Variants in SERINC1 observed in about 807,000 individuals in gnomAD.
SERINC1 encodes the protein serine incorporator 1.
SERINC1 carries 38 observed loss-of-function variants against 52.9 expected under a neutral mutation model. The observed-to-expected ratio is 0.72, with a 90% CI of 0.55 to 0.94. The LOEUF is 0.94. Among genes scored for constraint, SERINC1 ranks in the 40% least tolerant of loss-of-function variants. The probability of loss-of-function intolerance (pLI) is 0.00; values close to 1 mark genes in which losing one functional copy is unlikely to be tolerated. For synonymous variants in SERINC1, 198 were observed against 183.1 expected (o/e 1.08, Z -0.66); for missense variants, 471 against 533.9 (o/e 0.88, Z 1.16).
chr6:122,467,379 T>A (rs1412857422), intron 1 of SERINC1, among the ~76,000 whole-genome samples: 1 of 152,076 alleles, frequency 6.6e-6, no homozygotes. Context: ...CCAAGGCAGG[T>A]GGATCACTTG....
chr6:122,451,881 G>A lies in SERINC1; in HGVS notation c.759+7C>T. ...CTTCATAAAAACTAATGCTTTAAAGGGCATACTTGGATTTTTGGCAGTATA... is the reference window on the plus strand; with the variant it reads ...CTTCATAAAAACTAATGCTTTAAAGAGCATACTTGGATTTTTGGCAGTATA... On this transcript the variant is annotated splice_region_variant and intron_variant, in intron 6 of 9. Coordinates refer to ENST00000339697, the MANE Select transcript of SERINC1 (RefSeq NM_020755.4). The A allele has an allele frequency of 1.3e-6, 2 of 1,505,140 alleles. No individual in the cohort carries two copies. Among genetic ancestry groups the A allele is most frequent in the South Asian group, 1.4e-5 (1 of 73,492 alleles). 93.2% of individuals were successfully genotyped at this position (1,505,140 alleles called of 1,614,324 possible).
At chr6:122,460,567 A>AT (rs1775084198) in intron 1 of SERINC1, among the ~76,000 whole-genome samples, 1 of 152,252 alleles carries the variant, frequency 6.6e-6, no homozygotes, top group South Asian at 2.1e-4. Flanking sequence ...CTAAAGGCAA[A>AT]TAAAAAGATC....
chr6:122,468,062 T>C (rs1775216623), intron 1 of SERINC1, among the ~76,000 whole-genome samples: 1 of 152,128 alleles, frequency 6.6e-6, no homozygotes. Flanking sequence ...CATAGAGAAG[T>C]ATGTACATAC....
At chr6:122,469,533 C>T (rs774896727) in intron 1 of SERINC1, among the ~76,000 whole-genome samples, 3 of 150,792 alleles carry the variant, frequency 2.0e-5, no homozygotes, top group African/African-American at 4.9e-5. Context: ...CCACCACATC[C>T]GGCTGATTTT....
At position 122,447,138 on chromosome 6, in the gene SERINC1, C is replaced by T. The variant is rs772483603; in HGVS notation, c.978G>A (p.Leu326=). ...QGIIGLILFL[L]CVFYSSIRTS... ...TTTCCTACCTGGAATAAAATACACA[C>T]AACAAAAAGAGAATTAGTCCTATAA... is the stretch of plus-strand genomic sequence containing the variant. The change falls in exon 8 of 10, where the codon TTG becomes TTA. Residue 326 remains leucine, a synonymous_variant. Transcript: ENST00000339697. 3.7e-6 allele frequency: 6 copies of T among 1,612,916 alleles called. No individual in the cohort carries two copies. In the African/African-American group the frequency reaches 4.0e-5, roughly 11 times the overall value.
At chr6:122,464,218 TG>T (rs1480965801) in intron 1 of SERINC1, among the ~76,000 whole-genome samples, 2 of 152,168 alleles carry the variant, frequency 1.3e-5, no homozygotes, top group Non-Finnish European at 2.9e-5. Context: ...TCAAAACTCA[TG>T]GAACTGTATA....
intron 1 of SERINC1, among the ~76,000 whole-genome samples, chr6:122,467,714 GAACT>G (rs1331232601): frequency 3.9e-5 from 6 of 152,312 alleles, no homozygotes; most frequent in African/African-American, 1.2e-4. Flanking sequence ...CACAAATAAA[GAACT>G]AACATGTAAG....
chr6:122,452,080 T>A (rs771297157), intron 5 of SERINC1, 23 bp from the exon 6 acceptor site: 1 of 1,391,782 alleles, frequency 7.2e-7, no homozygotes, highest in Non-Finnish European at 9.4e-7. Context: ...TATAATTGGA[T>A]AATTAGCTTT....
chr6:122,454,168 T>C lies in SERINC1; in HGVS notation c.434A>G (p.Glu145Gly). The change falls in exon 4 of 10, where the codon GAA (glutamate) becomes GGA (glycine). Residue 145 changes from glutamate (E) to glycine (G), a missense_variant. Glu to Gly is a moderately conservative substitution (Grantham distance 98). Transcript: ENST00000339697. ...TTTCTTACCAGTTGTAAAAGTTCCT[T>C]CTGGAATGAAGAATGCCCCAATAAT... ...AIIIGAFFIP[E>G]GTFTTVWFYV... 6.3e-7 allele frequency: 1 copy of C among 1,586,676 alleles called. No individual in the cohort carries two copies. The highest frequency in any genetic ancestry group is 8.6e-7 in the Non-Finnish European group (1 of 1,165,798).
chr6:122,446,133 A>T (rs539314782), intron 9 of SERINC1, among the ~76,000 whole-genome samples: 3 of 152,094 alleles, frequency 2.0e-5, no homozygotes, highest in Non-Finnish European at 4.4e-5. Flanking sequence ...TTCAATTTGA[A>T]TCTTTGACCA....
At chr6:122,453,312 G>A (rs1774943708) in intron 5 of SERINC1, among the ~76,000 whole-genome samples, 1 of 152,086 alleles carries the variant, frequency 6.6e-6, no homozygotes, top group Admixed American at 6.6e-5. Flanking sequence ...AGTTGTTATT[G>A]ATGCACATAA....
At chr6:122,464,237 G>C (rs1369771530) in intron 1 of SERINC1, among the ~76,000 whole-genome samples, 1 of 152,026 alleles carries the variant, frequency 6.6e-6, no homozygotes, top group African/African-American at 2.4e-5. Flanking sequence ...ATATTACAAA[G>C]AGTAAATTCT....
rs1415169953 is a variant in SERINC1 at position 122,451,774 on chromosome 6, A to ATATAT, written c.760-21_760-20insATATA. 2.6e-4 allele frequency: 55 copies of ATATAT among 211,044 alleles called. No homozygotes were observed. The highest frequency in any genetic ancestry group is 1.3e-3 in the East Asian group (8 of 5,960). The allele number at this position is 211,044 out of a possible 1,614,324, so 13.1% of individuals were successfully genotyped here. ...TGATTCCTACAAAAAAAAAAAAAAA[A>ATATAT]AAATATATATATATATATATAGCAA... On this transcript the variant is annotated intron_variant, in intron 6 of 9. Coordinates refer to ENST00000339697, the MANE Select transcript of SERINC1 (RefSeq NM_020755.4).
intron 5 of SERINC1, among the ~76,000 whole-genome samples, chr6:122,453,028 C>G (rs1018969864): frequency 6.6e-6 from 1 of 152,112 alleles, no homozygotes; most frequent in Admixed American, 6.5e-5. Context: ...AAAAATCAAG[C>G]AATACTAAGT....
rs1267817769 is a variant in SERINC1 at position 122,443,401 on chromosome 6, G to A, written c.*1643C>T. 1 of 151,956 alleles carries A rather than the reference G, an allele frequency of 6.6e-6. No homozygotes were observed. The highest frequency in any genetic ancestry group is 1.5e-5 in the Non-Finnish European group (1 of 68,010). The allele number at this position is 151,956 out of a possible 1,614,324, so 9.4% of individuals were successfully genotyped here. On this transcript the variant is annotated 3_prime_UTR_variant, in exon 10 of 10. Transcript: ENST00000339697. The stretch of plus-strand genomic sequence containing the variant: ...GTAAAACACAGCCATTCAAAATTGT[G>A]GAATACAATGTCTACACACAGAATA...
At chr6:122,453,949 G>T (rs1198646967) in intron 4 of SERINC1, 42 bp from the exon 5 acceptor site, 1 of 1,532,628 alleles carries the variant, frequency 6.5e-7, no homozygotes, top group Non-Finnish European at 8.8e-7. Flanking sequence ...TGGTTAGTTT[G>T]ATTTTTATCA....
chr6:122,466,339 G>A (rs763370405), intron 1 of SERINC1, among the ~76,000 whole-genome samples: 4 of 151,970 alleles, frequency 2.6e-5, no homozygotes, highest in South Asian at 2.1e-4. Context: ...TCACTCTGTC[G>A]TCCAGGCTGG....
At chr6:122,468,264 G>A (rs901856762) in intron 1 of SERINC1, among the ~76,000 whole-genome samples, 1 of 152,110 alleles carries the variant, frequency 6.6e-6, no homozygotes, top group Non-Finnish European at 1.5e-5. Flanking sequence ...TCTTAACCAT[G>A]TTGTTATTGC....
At chr6:122,458,060 T>C (rs1297537152) in intron 2 of SERINC1, among the ~76,000 whole-genome samples, 1 of 152,144 alleles carries the variant, frequency 6.6e-6, no homozygotes, top group Non-Finnish European at 1.5e-5. Flanking sequence ...TTATTTCAGG[T>C]CCGCTATTCT....
Sources: allele counts gnomAD v4.1 joint callset (sites outside exome capture counted in the v4.1 genomes callset), GRCh38; gene constraint gnomAD v4.1.1; transcripts MANE v1.5; gene names NCBI Gene and HGNC (gene_info 2026-07-23, HGNC 2026-07-21).